Variants in DBNL observed in about 807,000 individuals in gnomAD.
DBNL encodes drebrin like.
A neutral mutation model predicts 62.2 loss-of-function variants in DBNL; 35 were observed. That is an observed-to-expected ratio of 0.56 (90% CI 0.43 to 0.75). The LOEUF is 0.75. Ranked by LOEUF, DBNL falls within the 30% of genes least tolerant of loss-of-function variation. DBNL has a pLI of 0.00. For synonymous variants in DBNL, 197 were observed against 218.0 expected (o/e 0.90, Z 0.85); for missense variants, 495 against 578.4 (o/e 0.86, Z 1.48).
In DBNL at chr7:44,065,167, G is replaced by A. The variant is rs768642477; in HGVS notation, c.*4251G>A. The A allele has an allele frequency of 5.0e-6, 8 of 1,613,818 alleles. No individual in the cohort carries two copies. The African/African-American group carries it at 8.0e-5, about 16-fold the overall frequency. ...GCTTCTCGTCCATCGGGGGCGGCGG[G>A]ATGTCGAAGGAGCGCCTCCAGATCT... On this transcript the variant is annotated 3_prime_UTR_variant, in exon 13 of 13. Coordinates refer to ENST00000448521, the MANE Select transcript of DBNL (RefSeq NM_001014436.3).
rs778175348 is a variant in DBNL, at chr7:44,065,040, C to G, written c.*4124C>G. On this transcript the variant is annotated 3_prime_UTR_variant, in exon 13 of 13. Coordinates refer to ENST00000448521, the MANE Select transcript of DBNL (RefSeq NM_001014436.3). ...GGGGGACACAGGCACGCTGCTTTCC[C>G]TCCCAAGCCAGTGGGCCCCCACCCG... 25 of 1,607,838 alleles carry G rather than the reference C, an allele frequency of 1.6e-5. No individual in the cohort carries two copies. Among genetic ancestry groups the G allele is most frequent in the Non-Finnish European group, 2.0e-5 (24 of 1,179,618 alleles).
Position 44,064,393 on chromosome 7 carries a change from G to A in DBNL, c.*3477G>A. 4.3e-6 allele frequency: 1 copy of A among 231,692 alleles called. No homozygotes were observed. The highest frequency in any genetic ancestry group is 5.5e-5 in the South Asian group (1 of 18,034). The allele number at this position is 231,692 out of a possible 1,614,324, so 14.4% of individuals were successfully genotyped here. ...ACCTGATGGGGGAGGGCCCTGCGAG[G>A]GGTCCAAGCCTACATCAAGAGGAAT... On this transcript the variant is annotated 3_prime_UTR_variant, in exon 13 of 13. Transcript: ENST00000448521.
chr7:44,064,530 C>G lies in DBNL; in HGVS notation c.*3614C>G. On this transcript the variant is annotated 3_prime_UTR_variant, in exon 13 of 13. Transcript: ENST00000448521. ...GGGATTTGGAGCCAGATGCTCTAAG[C>G]CCAGCCCTTCCGTTTCCTAGCTGGG... 2.2e-6 allele frequency: 1 copy of G among 450,064 alleles called. No homozygotes were observed. The allele number at this position is 450,064 out of a possible 1,614,324, so 27.9% of individuals were successfully genotyped here.
chr7:44,055,720 T>C (rs1201624962), intron 4 of DBNL, among the ~76,000 whole-genome samples: 1 of 152,244 alleles, frequency 6.6e-6, no homozygotes, highest in East Asian at 1.9e-4. Context: ...TTTCGAGAAA[T>C]ATCTGTTAAG....
intron 4 of DBNL, among the ~76,000 whole-genome samples, chr7:44,054,336 G>A (rs1434379354): frequency 2.6e-5 from 4 of 152,068 alleles, no homozygotes; most frequent in African/African-American, 7.2e-5. Flanking sequence ...GGGATTACAG[G>A]TGCCTGCCAC....
At chr7:44,050,305 A>G (rs3812251) in intron 2 of DBNL, 25 bp downstream of exon 2, 388,872 of 1,611,778 alleles carry the variant, frequency 0.24, 49,140 homozygotes, top group African/African-American at 0.39. Flanking sequence ...AAATGGACTC[A>G]GGGACACCAG....
rs750572425 is a variant in DBNL at position 44,064,801 on chromosome 7, AC to A, written c.*3888del. 8.5e-6 allele frequency: 6 copies of A among 706,502 alleles called. No homozygotes were observed. In the Admixed American group the frequency reaches 1.1e-4, roughly 12 times the overall value. 43.8% of individuals were successfully genotyped at this position (706,502 alleles called of 1,614,324 possible). On this transcript the variant is annotated 3_prime_UTR_variant, in exon 13 of 13. Coordinates refer to ENST00000448521, the MANE Select transcript of DBNL (RefSeq NM_001014436.3). ...AGCCAGCTGGGGCTGCTGCCCACCCACCCTGCCCAGGCTCCTGAAGGTGGCC... is the reference window on the plus strand; with the variant it reads ...AGCCAGCTGGGGCTGCTGCCCACCCACCTGCCCAGGCTCCTGAAGGTGGCC...
At position 44,066,858 on chromosome 7, in the gene DBNL, T is replaced by C. The variant is rs953611928; in HGVS notation, c.*5942T>C. 1 of 152,322 alleles carries C rather than the reference T, an allele frequency of 6.6e-6. No individual in the cohort carries two copies. Among genetic ancestry groups the C allele is most frequent in the Non-Finnish European group, 1.5e-5 (1 of 68,108 alleles). The allele number at this position is 152,322 out of a possible 1,614,324, so 9.4% of individuals were successfully genotyped here. ...ATGCGCAGGTCTCACTGTTCCACAC[T>C]GATCCTGATTGAAGCCACATCTCCT... is the stretch of plus-strand genomic sequence containing the variant. On this transcript the variant is annotated 3_prime_UTR_variant, in exon 13 of 13. Transcript: ENST00000448521.
Position 44,060,668 on chromosome 7 carries a change from G to A in DBNL, c.1154-109G>A. On this transcript the variant is annotated intron_variant, in intron 12 of 12. Coordinates refer to ENST00000448521, the MANE Select transcript of DBNL (RefSeq NM_001014436.3). This position sits in a 1 kb window ranked among gnomAD's most constrained non-coding sequence, Gnocchi z 6.3. ...CAGGGATATTTCTGAGGAGGAACCA[G>A]AGCTGCAGCGAGGTGTGCTGCAGCA... The A allele has an allele frequency of 1.4e-6, 2 of 1,465,460 alleles. No homozygotes were observed. The highest frequency in any genetic ancestry group is 9.2e-7 in the Non-Finnish European group (1 of 1,084,600). The allele number at this position is 1,465,460 out of a possible 1,614,324, so 90.8% of individuals were successfully genotyped here.
At chr7:44,052,159 G>A (rs1024469338) in intron 3 of DBNL, among the ~76,000 whole-genome samples, 1 of 152,186 alleles carries the variant, frequency 6.6e-6, no homozygotes, top group African/African-American at 2.4e-5. Context: ...TCCAAGCCTA[G>A]AGTTCTTCCT....
In DBNL at chr7:44,064,868, C is replaced by A; in HGVS notation, c.*3952C>A. On this transcript the variant is annotated 3_prime_UTR_variant, in exon 13 of 13. Coordinates refer to ENST00000448521, the MANE Select transcript of DBNL (RefSeq NM_001014436.3). ...TTGACAATGCCCCGCAGGCTGTTCC[C>A]GTGGGCTGCAATGAGCACTCGCTTG... 1 of 1,610,968 alleles carries A rather than the reference C, an allele frequency of 6.2e-7. No individual in the cohort carries two copies. Among genetic ancestry groups the A allele is most frequent in the Non-Finnish European group, 8.5e-7 (1 of 1,179,484 alleles).
rs1185169797 is a variant in DBNL at position 44,056,849 on chromosome 7, C to T, written c.420C>T (p.Tyr140=). Residue 140 remains tyrosine, a synonymous_variant, in exon 5 of 13, where the codon TAC becomes TAT. Coordinates refer to ENST00000448521, the MANE Select transcript of DBNL (RefSeq NM_001014436.3). The part of the protein sequence containing the change: ...EKVAKASGAN[Y]SFHKESGRFQ... ...TGGCCAAGGCTTCAGGTGCCAACTA[C>T]AGCTTTCACAAGGAGAGTGGCCGCT... 1.2e-6 allele frequency: 2 copies of T among 1,614,048 alleles called. No homozygotes were observed. Among genetic ancestry groups the T allele is most frequent in the Non-Finnish European group, 1.7e-6 (2 of 1,180,040 alleles).
At chr7:44,057,070 G>A (rs913243913) in intron 5 of DBNL, among the ~76,000 whole-genome samples, 167 bp downstream of exon 5, 2 of 152,254 alleles carry the variant, frequency 1.3e-5, no homozygotes, top group African/African-American at 4.8e-5. Context: ...AGATGAGCAG[G>A]AATAGCCCTC....
chr7:44,051,609 G>T (rs2096126768), intron 2 of DBNL: 1 of 395,772 alleles, frequency 2.5e-6, no homozygotes, highest in Middle Eastern at 6.7e-4. Flanking sequence ...TGAGGTACTT[G>T]TCAGAATCGC....
In DBNL at chr7:44,065,431, C is replaced by T. The variant is rs1159613548; in HGVS notation, c.*4515C>T. 6.2e-7 allele frequency: 1 copy of T among 1,614,016 alleles called. No homozygotes were observed. Among genetic ancestry groups the T allele is most frequent in the African/African-American group, 1.3e-5 (1 of 74,938 alleles). On this transcript the variant is annotated 3_prime_UTR_variant, in exon 13 of 13. Transcript: ENST00000448521. ...CTCCCCGCTTGGCCTCCTCGGTCCC[C>T]TTTTCACTCAGCTCTGCATCGAACC... is the stretch of plus-strand genomic sequence containing the variant.
chr7:44,058,162 C>T lies in DBNL; in HGVS notation c.586C>T (p.Arg196Trp), dbSNP rs771873890. 6 of 1,555,820 alleles carry T rather than the reference C, an allele frequency of 3.9e-6. No homozygotes were observed. The African/African-American group carries it at 4.1e-5, about 11-fold the overall frequency. The change falls in exon 7 of 13, where the codon CGG (arginine) becomes TGG (tryptophan). Residue 196 changes from arginine to tryptophan, a missense_variant. By Grantham distance (101) the Arg-to-Trp change is moderately radical. Coordinates refer to ENST00000448521, the MANE Select transcript of DBNL (RefSeq NM_001014436.3). ...GGAGAACCGTCGGCTGGAGGAAAAG[C>T]GGCGGGCCGAGGAGGCACAGCGGCA... is the stretch of plus-strand genomic sequence containing the variant. ...EEENRRLEEK[R>W]RAEEAQRQLE... is the part of the protein sequence containing the mutation.
At chr7:44,047,266 T>A (rs972553117) in intron 1 of DBNL, among the ~76,000 whole-genome samples, 4 of 152,234 alleles carry the variant, frequency 2.6e-5, no homozygotes, top group African/African-American at 9.6e-5. Context: ...TTGTTACATG[T>A]GGCAGATGCT....
Position 44,044,715 on chromosome 7 carries a change from G to C in DBNL, c.-23G>C. The stretch of plus-strand genomic sequence containing the variant: ...GCCCGGCCCGGAAGCTACAGCAGCG[G>C]CGCGGAGACTGCGGGGCGGGCCATG... On this transcript the variant is annotated 5_prime_UTR_variant, in exon 1 of 13. Coordinates refer to ENST00000448521, the MANE Select transcript of DBNL (RefSeq NM_001014436.3). The C allele has an allele frequency of 2.7e-6, 4 of 1,483,950 alleles. No homozygotes were observed. The highest frequency in any genetic ancestry group is 3.6e-6 in the Non-Finnish European group (4 of 1,119,408). The allele number at this position is 1,483,950 out of a possible 1,614,324, so 91.9% of individuals were successfully genotyped here.
chr7:44,051,564 T>C, intron 2 of DBNL: 1 of 309,060 alleles, frequency 3.2e-6, no homozygotes. Flanking sequence ...TTTAGAGAAG[T>C]GGTTTTTAAA....
Sources: gnomAD v4.1 joint callset for allele counts (sites outside exome capture counted in the v4.1 genomes callset) on GRCh38, gnomAD v4.1.1 for gene constraint, Gnocchi (gnomAD v3.1) non-coding constraint, MANE v1.5 for transcripts, NCBI Gene and HGNC (gene_info 2026-07-23, HGNC 2026-07-21) for gene names.